RASSF1: variants seen among roughly 807,000 people sequenced by gnomAD.
RASSF1 encodes ras association domain-containing protein 1.
RASSF1 carries 33 observed loss-of-function variants against 34.3 expected under a neutral mutation model. That is an observed-to-expected ratio of 0.96 (90% CI 0.73 to 1.29). The LOEUF (loss-of-function observed/expected upper bound fraction) is 1.29. Ranked by LOEUF, RASSF1 falls within the 50% of genes most tolerant of loss-of-function variation. The pLI is 0.00. For synonymous variants in RASSF1, 191 were observed against 195.0 expected (o/e 0.98, Z 0.17); for missense variants, 445 against 471.8 (o/e 0.94, Z 0.53).
In RASSF1 at chr3:50,331,542, T is replaced by C; in HGVS notation, c.760+17A>G. 1 of 1,025,414 alleles carries C rather than the reference T, an allele frequency of 9.8e-7. No individual in the cohort carries two copies. Among genetic ancestry groups the C allele is most frequent in the East Asian group, 4.3e-5 (1 of 23,058 alleles). The allele number at this position is 1,025,414 out of a possible 1,614,324, so 63.5% of individuals were successfully genotyped here. ...GTATATACCCTCACATAGGGCAGGG[T>C]GGGGTGGGAAGCCCACCTTGGCCGT... On this transcript the variant is annotated intron_variant, in intron 4 of 5. Transcript: ENST00000359365.
intron 2 of RASSF1, chr3:50,337,588 G>C (rs2109347539): frequency 1.5e-6 from 2 of 1,311,880 alleles, no homozygotes; most frequent in African/African-American, 3.0e-5. Context: ...ACAGGGAACG[G>C]GGGCGGGTGC....
chr3:50,338,235 A>G (rs947218388), intron 1 of RASSF1: 1 of 1,374,252 alleles, frequency 7.3e-7, no homozygotes, highest in African/African-American at 1.5e-5. Context: ...CAACAGTTGG[A>G]TCTCTATCGC....
At chr3:50,336,900 C>G (rs144174962) in intron 2 of RASSF1, 1 of 509,164 alleles carries the variant, frequency 2.0e-6, no homozygotes. Context: ...GGATAATGCC[C>G]GGCTCAGGTC....
chr3:50,340,426 G>A, intron 1 of RASSF1, 130 bp downstream of exon 1: 1 of 1,251,162 alleles, frequency 8.0e-7, no homozygotes, highest in East Asian at 3.2e-5. Context: ...CAGCGATGGG[G>A]CGAAAGTAAC....
chr3:50,337,012 A>T, intron 2 of RASSF1: 2 of 1,032,630 alleles, frequency 1.9e-6, no homozygotes, highest in Non-Finnish European at 2.7e-6. Flanking sequence ...TCGGGGTCTT[A>T]CGCACGGTTC....
chr3:50,337,594 G>T, intron 2 of RASSF1: 1 of 1,269,822 alleles, frequency 7.9e-7, no homozygotes, highest in Non-Finnish European at 1.1e-6. Context: ...AACGGGGGCG[G>T]GTGCCAGCGT....
chr3:50,337,872 G>A, intron 2 of RASSF1, 33 bp downstream of exon 2: 2 of 1,534,560 alleles, frequency 1.3e-6, no homozygotes, highest in Non-Finnish European at 1.8e-6. Context: ...GCCCATCCTC[G>A]CCCTTCCCAT....
At chr3:50,332,775 G>A (rs1702992564) in intron 2 of RASSF1, among the ~76,000 whole-genome samples, 1 of 150,522 alleles carries the variant, frequency 6.6e-6, no homozygotes, top group African/African-American at 2.4e-5. Context: ...CTGGGGAACT[G>A]AGTGAGACCC....
chr3:50,337,836 C>A, intron 2 of RASSF1, 69 bp downstream of exon 2: 1 of 1,397,590 alleles, frequency 7.2e-7, no homozygotes, highest in South Asian at 1.3e-5. Context: ...CCCAGGCAGC[C>A]CTCGAGAATG....
chr3:50,339,520 T>C (rs1280659363), intron 1 of RASSF1, among the ~76,000 whole-genome samples: 1 of 151,558 alleles, frequency 6.6e-6, no homozygotes, highest in Non-Finnish European at 1.5e-5. Flanking sequence ...CACCCGCCAC[T>C]ACGCCTGGCT....
Position 50,331,561 on chromosome 3 carries a change from T to C in RASSF1, c.758A>G (p.Gln253Arg). 2 of 1,587,234 alleles carry C rather than the reference T, an allele frequency of 1.3e-6. No individual in the cohort carries two copies. Among genetic ancestry groups the C allele is most frequent in the South Asian group, 1.1e-5 (1 of 89,916 alleles). The change falls in exon 4 of 6, where the codon CAA (glutamine) becomes CGA (arginine). Residue 253 changes from glutamine (Q) to arginine (R), a missense_variant and splice_region_variant. Coordinates refer to ENST00000359365, the MANE Select transcript of RASSF1 (RefSeq NM_007182.5). Reference sequence around the variant, plus strand: ...GCAGGGTGGGGTGGGAAGCCCACCTTGGCCGTGACGCTCAGCGCGCTCAAA... The same window carrying C: ...GCAGGGTGGGGTGGGAAGCCCACCTCGGCCGTGACGCTCAGCGCGCTCAAA... ...ALFERAERHG[Q>R]VYLRKLLDDE...
At position 50,330,365 on chromosome 3, in the gene RASSF1, C is replaced by T; in HGVS notation, c.*216G>A. 1 of 617,022 alleles carries T rather than the reference C, an allele frequency of 1.6e-6. No individual in the cohort carries two copies. The allele number at this position is 617,022 out of a possible 1,614,324, so 38.2% of individuals were successfully genotyped here. On this transcript the variant is annotated 3_prime_UTR_variant, in exon 6 of 6. Coordinates refer to ENST00000359365, the MANE Select transcript of RASSF1 (RefSeq NM_007182.5). This position sits in a 1 kb window ranked among gnomAD's most constrained non-coding sequence, Gnocchi z 4.5. ...TCAGGGCAGCCCTGGCCCACTAAGGCCCAGTAATGAGGGCAGAGGGGTGCA... is the reference window on the plus strand; with the variant it reads ...TCAGGGCAGCCCTGGCCCACTAAGGTCCAGTAATGAGGGCAGAGGGGTGCA...
chr3:50,330,287 A>C lies in RASSF1; in HGVS notation c.*294T>G. Reference sequence around the variant, plus strand: ...CCAAGATTTTCACTTCTGAGACAAAAATTGAGGAGACTTCTGTCTGCACCA... The same window carrying C: ...CCAAGATTTTCACTTCTGAGACAAACATTGAGGAGACTTCTGTCTGCACCA... On this transcript the variant is annotated 3_prime_UTR_variant, in exon 6 of 6. Coordinates refer to ENST00000359365, the MANE Select transcript of RASSF1 (RefSeq NM_007182.5). The surrounding 1 kb of genome is among the most constrained non-coding windows in gnomAD (Gnocchi z 4.5). The C allele has an allele frequency of 2.9e-6, 1 of 343,714 alleles. No individual in the cohort carries two copies. Among genetic ancestry groups the C allele is most frequent in the Non-Finnish European group, 5.4e-6 (1 of 186,228 alleles). 21.3% of individuals were successfully genotyped at this position (343,714 alleles called of 1,614,324 possible).
At position 50,340,622 on chromosome 3, in the gene RASSF1, G is replaced by A; in HGVS notation, c.184C>T (p.His62Tyr). The A allele has an allele frequency of 6.5e-7, 1 of 1,533,148 alleles. No homozygotes were observed. Among genetic ancestry groups the A allele is most frequent in the Non-Finnish European group, 8.7e-7 (1 of 1,150,034 alleles). 95.0% of individuals were successfully genotyped at this position (1,533,148 alleles called of 1,614,324 possible). Residue 62 changes from histidine (H) to tyrosine (Y), a missense_variant, in exon 1 of 6, where the codon CAC becomes TAC. Transcript: ENST00000359365. ...HRFQPAGPAT[H>Y]TWCDLCGDFI... The stretch of plus-strand genomic sequence containing the variant: ...TCGCCACAGAGGTCGCACCACGTGT[G>A]CGTGGCGGGCCCCGCGGGCTGGAAG...
Position 50,331,741 on chromosome 3 carries a change from C to T in RASSF1, c.578G>A (p.Gly193Glu). The T allele has an allele frequency of 6.2e-7, 1 of 1,611,602 alleles. No homozygotes were observed. The change falls in exon 4 of 6, where the codon GGA (glycine) becomes GAA (glutamate). Residue 193 changes from glycine to glutamate, a missense_variant. Transcript: ENST00000359365. ...GCGGCGCCTGACACTTGTGCCCCGT[C>T]CTGGGCCCCGCCGGGCATCCTGCAA... is the stretch of plus-strand genomic sequence containing the variant. ...PSLQDARRGP[G>E]RGTSVRRRTS... is the part of the protein sequence containing the mutation.
At chr3:50,333,250 GGA>G (rs1229574968) in intron 2 of RASSF1, among the ~76,000 whole-genome samples, 1 of 152,240 alleles carries the variant, frequency 6.6e-6, no homozygotes, top group Non-Finnish European at 1.5e-5. Flanking sequence ...TGAGAGGAGT[GGA>G]GAGTGGTGCA....
intron 1 of RASSF1, chr3:50,338,331 G>A (rs1703239937): frequency 1.6e-6 from 1 of 644,930 alleles, no homozygotes; most frequent in Non-Finnish European, 2.0e-6. Flanking sequence ...CCAGGCTGGA[G>A]TGCAATGGCG....
chr3:50,335,399 C>A (rs1703100166), intron 2 of RASSF1, among the ~76,000 whole-genome samples: 1 of 150,596 alleles, frequency 6.6e-6, no homozygotes, highest in South Asian at 2.1e-4. Context: ...TCACTGCAAC[C>A]TCTGTCTTCT....
intron 5 of RASSF1, 58 bp downstream of exon 5, chr3:50,331,276 G>T: frequency 7.8e-7 from 1 of 1,284,844 alleles, no homozygotes; most frequent in Non-Finnish European, 1.1e-6. Context: ...CCTTACTGTA[G>T]CTACAGCCCA....
Sources: gnomAD v4.1 joint callset for allele counts (sites outside exome capture counted in the v4.1 genomes callset) on GRCh38, gnomAD v4.1.1 for gene constraint, Gnocchi (gnomAD v3.1) non-coding constraint, MANE v1.5 for transcripts, NCBI Gene and HGNC (gene_info 2026-07-23, HGNC 2026-07-21) for gene names.